Variants in RGS7 observed in about 807,000 individuals in gnomAD.
RGS7 encodes the protein regulator of G-protein signaling 7.
A neutral mutation model predicts 81.1 loss-of-function variants in RGS7; 27 were observed. The observed-to-expected ratio is 0.33, with a 90% confidence interval of 0.25 to 0.46. The LOEUF (loss-of-function observed/expected upper bound fraction) is 0.46. Among genes scored for constraint, RGS7 ranks in the 20% least tolerant of loss-of-function variants. The probability of loss-of-function intolerance (pLI) is 1.00; values close to 1 mark genes in which losing one functional copy is unlikely to be tolerated. For synonymous variants in RGS7, 208 were observed against 207.7 expected, an observed-to-expected ratio of 1.00 and a Z score of -0.01; for missense variants, 396 against 607.4, an observed-to-expected ratio of 0.65 and a Z score of 3.66.
chr1:241,186,524 T>TATATATATATATA (rs375213177), intron 2 of RGS7: 3 of 235,876 alleles, frequency 1.3e-5, no homozygotes, highest in Non-Finnish European at 1.9e-5. Context: ...TATATATATA[T>TATATATATATATA]TTTTTTTTTT....
At chr1:241,242,668 T>C (rs2148149983) in intron 2 of RGS7, among the ~76,000 whole-genome samples, 1 of 152,334 alleles carries the variant, frequency 6.6e-6, no homozygotes, top group South Asian at 2.1e-4. Flanking sequence ...ATTATGGCCA[T>C]TCTTGCAGAA....
intron 3 of RGS7, among the ~76,000 whole-genome samples, chr1:241,014,620 C>G (rs2059130762): frequency 6.6e-6 from 1 of 152,170 alleles, no homozygotes; most frequent in Non-Finnish European, 1.5e-5. Flanking sequence ...TGTAACTAAC[C>G]AGTCATTCCC....
intron 2 of RGS7, among the ~76,000 whole-genome samples, chr1:241,210,597 T>C (rs1049759299): frequency 2.6e-5 from 4 of 152,248 alleles, no homozygotes; most frequent in Admixed American, 6.5e-5. Context: ...ATGAAACATA[T>C]GCCCTGCTGC....
At chr1:240,963,912 C>T (rs576410349) in intron 4 of RGS7, among the ~76,000 whole-genome samples, 3 of 152,162 alleles carry the variant, frequency 2.0e-5, no homozygotes, top group Admixed American at 6.5e-5. Flanking sequence ...TTTGGGAGGC[C>T]GAAGCGGGTG....
In RGS7 at chr1:240,908,203, TG is replaced by T. The variant is rs1054441994; in HGVS notation, c.385+22513del. 1.2e-4 allele frequency among the ~76,000 whole-genome samples: 5 copies of T among 41,054 alleles called. 1 individual carries two copies. The highest frequency in any genetic ancestry group is 5.3e-4 in the African/African-American group (5 of 9,466). The allele number at this position is 41,054 out of a possible 152,430, so 26.9% of individuals were successfully genotyped here. A position where few individuals can be genotyped will look rare whatever the true frequency, so the allele number is the denominator to read the frequency against. On this transcript the variant is annotated intron_variant, in intron 6 of 18. Transcript: ENST00000440928. ...TCACACACCGGGGCCTGTCGTGGGG[TG>T]GGGGGAGGGGGGAGGGATAGCATTA...
At chr1:240,990,244 A>C (rs1389066017) in intron 3 of RGS7, among the ~76,000 whole-genome samples, 2 of 152,212 alleles carry the variant, frequency 1.3e-5, no homozygotes, top group African/African-American at 4.8e-5. Context: ...CAATGGGTGT[A>C]AACTACAGCT....
chr1:241,287,787 T>A (rs1369681385), intron 2 of RGS7, among the ~76,000 whole-genome samples: 2 of 151,988 alleles, frequency 1.3e-5, no homozygotes, highest in Non-Finnish European at 2.9e-5. Context: ...TCTAAGTAAA[T>A]ATCATATACA....
At chr1:241,028,337 T>C (rs751107998) in intron 3 of RGS7, among the ~76,000 whole-genome samples, 3 of 152,226 alleles carry the variant, frequency 2.0e-5, no homozygotes, top group Non-Finnish European at 2.9e-5. Flanking sequence ...TTAAGTTGTC[T>C]GCTAGGAAAG....
intron 2 of RGS7, among the ~76,000 whole-genome samples, chr1:241,152,820 C>T (rs551713528): frequency 2.0e-5 from 3 of 152,302 alleles, no homozygotes; most frequent in African/African-American, 4.8e-5. Flanking sequence ...AAGCAATGCC[C>T]CCATTTGCCA....
intron 2 of RGS7, among the ~76,000 whole-genome samples, chr1:241,259,667 A>AAAAAAAAAAAAAAATATATATAT: frequency 5.9e-4 from 29 of 49,114 alleles, no homozygotes; most frequent in Non-Finnish European, 9.1e-4. Context: ...AAAAAAAAAA[A>AAAAAAAAAAAAAAATATATATAT]ATATATATAT....
At chr1:241,064,186 A>C (rs77667088) in intron 3 of RGS7, among the ~76,000 whole-genome samples, 1 of 144,760 alleles carries the variant, frequency 6.9e-6, no homozygotes, top group Non-Finnish European at 1.5e-5. Flanking sequence ...TCAGTTTCAA[A>C]AAAAAAAAAA....
At chr1:241,100,177 C>T (rs919006839) in intron 2 of RGS7, among the ~76,000 whole-genome samples, 1 of 151,578 alleles carries the variant, frequency 6.6e-6, no homozygotes, top group African/African-American at 2.4e-5. Flanking sequence ...AGATCGAGAC[C>T]ATCCTGGCTA....
intron 2 of RGS7, among the ~76,000 whole-genome samples, chr1:241,281,409 GT>G (rs1346299470): frequency 4.6e-5 from 7 of 152,214 alleles, no homozygotes; most frequent in Admixed American, 2.0e-4. Flanking sequence ...CGTCTCTCCA[GT>G]AAATTGCCTA....
intron 4 of RGS7, among the ~76,000 whole-genome samples, chr1:240,948,504 C>T (rs554088622): frequency 2.0e-5 from 3 of 152,136 alleles, no homozygotes; most frequent in South Asian, 2.1e-4. Context: ...AGTGCATTGG[C>T]GTGATCTGGG....
intron 2 of RGS7, among the ~76,000 whole-genome samples, chr1:241,336,526 G>A (rs1157220091): frequency 6.6e-6 from 1 of 152,156 alleles, no homozygotes. Context: ...CCACCTGTTT[G>A]GTTTTATGGT....
chr1:241,170,300 C>G (rs909516339), intron 2 of RGS7, among the ~76,000 whole-genome samples: 5 of 151,974 alleles, frequency 3.3e-5, no homozygotes, highest in African/African-American at 1.2e-4. Flanking sequence ...TCTCTACTGC[C>G]TACTTCCTTT....
rs557670610 is a variant in RGS7 at position 240,853,707 on chromosome 1, A to C, written c.609+14880T>G. On this transcript the variant is annotated intron_variant, in intron 9 of 18. Transcript: ENST00000440928. ...GATCACGAGGGCAGGAGGAGACCAT[A>C]CGGGCTAACACGGTGAAACCCCGTC... 3.6e-3 allele frequency among the ~76,000 whole-genome samples: 550 copies of C among 151,934 alleles called. 5 individuals carry two copies. Among genetic ancestry groups the C allele is most frequent in the South Asian group, 0.027 (131 of 4,812 alleles).
At chr1:240,869,275 G>A (rs1055891290) in intron 7 of RGS7, among the ~76,000 whole-genome samples, 10 of 151,858 alleles carry the variant, frequency 6.6e-5, no homozygotes, top group African/African-American at 1.9e-4. Flanking sequence ...ACACCCTGGC[G>A]GCCCACAACC....
intron 17 of RGS7, 88 bp from the exon 18 acceptor site, chr1:240,800,809 A>C (rs545442785): frequency 1.5e-6 from 1 of 660,056 alleles, no homozygotes; most frequent in Non-Finnish European, 2.5e-6. Context: ...CAAAAAAAAG[A>C]ATCTTACAAA....
Sources: gnomAD v4.1 joint callset for allele counts (sites outside exome capture counted in the v4.1 genomes callset) on GRCh38, gnomAD v4.1.1 for gene constraint, MANE v1.5 for transcripts, NCBI Gene and HGNC (gene_info 2026-07-23, HGNC 2026-07-21) for gene names.